CCDC191: variants seen among roughly 807,000 people sequenced by gnomAD.
The protein encoded by CCDC191 is coiled-coil domain-containing protein 191.
Under a neutral mutation model 114.0 loss-of-function variants are expected in CCDC191, and 99 were observed. That is an observed-to-expected ratio of 0.87 (90% confidence interval 0.74 to 1.03). The LOEUF (loss-of-function observed/expected upper bound fraction) is 1.03. Among genes scored for constraint, CCDC191 ranks in the 50% least tolerant of loss-of-function variants. The pLI, the probability that CCDC191 is intolerant of heterozygous loss-of-function variation, is 0.00. For missense variants in CCDC191, 973 were observed against 1,087.0 expected, an observed-to-expected ratio of 0.90 and a Z score of 1.47; for synonymous variants, 351 against 376.0, an observed-to-expected ratio of 0.93 and a Z score of 0.77.
At chr3:114,021,948 C>A (rs1016416282) in intron 7 of CCDC191, among the ~76,000 whole-genome samples, 3 of 152,100 alleles carry the variant, frequency 2.0e-5, no homozygotes, top group Non-Finnish European at 4.4e-5. Context: ...GTCAGGCACT[C>A]TTTTCCTAAC....
chr3:114,010,313 T>C (rs1559906491), intron 9 of CCDC191, among the ~76,000 whole-genome samples: 1 of 152,202 alleles, frequency 6.6e-6, no homozygotes, highest in Non-Finnish European at 1.5e-5. Context: ...TGATTATCTA[T>C]AGATGACAGA....
intron 16 of CCDC191, among the ~76,000 whole-genome samples, chr3:113,976,227 C>T (rs1941326908): frequency 6.6e-6 from 1 of 151,836 alleles, no homozygotes; most frequent in Non-Finnish European, 1.5e-5. Context: ...CTACTGCACT[C>T]CAGCCTGGGT....
chr3:113,967,452 A>G (rs751479214), intron 16 of CCDC191, among the ~76,000 whole-genome samples: 1 of 150,798 alleles, frequency 6.6e-6, no homozygotes, highest in African/African-American at 2.4e-5. Flanking sequence ...AAACATATTC[A>G]TGATCACTGG....
At chr3:114,056,120 T>C (rs1478003546) in intron 1 of CCDC191, among the ~76,000 whole-genome samples, 1 of 152,072 alleles carries the variant, frequency 6.6e-6, no homozygotes, top group Non-Finnish European at 1.5e-5. Context: ...CCGATGGGCA[T>C]TAGCAGACAC....
chr3:114,029,487 G>A (rs1350567803), intron 7 of CCDC191, among the ~76,000 whole-genome samples: 6 of 152,118 alleles, frequency 3.9e-5, no homozygotes, highest in African/African-American at 1.4e-4. Flanking sequence ...TGAGGGAAAC[G>A]CAAAATCACC....
At chr3:114,035,238 C>T in intron 5 of CCDC191, 90 bp from the exon 6 acceptor site, 1 of 923,158 alleles carries the variant, frequency 1.1e-6, no homozygotes. Flanking sequence ...GTTCAGAATA[C>T]AACCAGTTTG....
intron 16 of CCDC191, among the ~76,000 whole-genome samples, chr3:113,968,626 G>GT (rs373015779): frequency 0.12 from 16,848 of 136,842 alleles, 1,114 homozygotes; most frequent in Admixed American, 0.2. Flanking sequence ...ATAGTTTTTT[G>GT]TTTTTTTTTT....
At chr3:114,016,242 C>T (rs1045501010) in intron 8 of CCDC191, among the ~76,000 whole-genome samples, 2 of 152,162 alleles carry the variant, frequency 1.3e-5, no homozygotes, top group African/African-American at 2.4e-5. Flanking sequence ...TGAGTAACCA[C>T]GATAATAAAT....
chr3:114,025,303 A>G (rs569804848), intron 7 of CCDC191, among the ~76,000 whole-genome samples: 2 of 151,930 alleles, frequency 1.3e-5, no homozygotes, highest in South Asian at 4.2e-4. Context: ...CTGTTCTAAA[A>G]GCAGAAACAA....
chr3:114,038,897 G>A lies in CCDC191; in HGVS notation c.416-2111C>T, dbSNP rs1332976514. On this transcript the variant is annotated intron_variant, in intron 4 of 16. Coordinates refer to ENST00000295878, the MANE Select transcript of CCDC191 (RefSeq NM_020817.2). ...AGGCCTGTCATGGGTGGCAGGGGGA[G>A]GAAGAGCATCAGGAGAATAGGATGC... is the stretch of plus-strand genomic sequence containing the variant. 2.0e-5 allele frequency among the ~76,000 whole-genome samples: 3 copies of A among 152,144 alleles called. No individual in the cohort carries two copies. In the East Asian group the frequency reaches 5.8e-4, roughly 29 times the overall value.
intron 13 of CCDC191, among the ~76,000 whole-genome samples, chr3:113,990,927 A>C (rs140512847): frequency 9.2e-6 from 1 of 108,180 alleles, no homozygotes; most frequent in Non-Finnish European, 1.8e-5. Flanking sequence ...GTGATAAAGC[A>C]CCTCAAAAAA....
At chr3:114,040,527 GTC>G (rs1206060339) in intron 4 of CCDC191, among the ~76,000 whole-genome samples, 1 of 151,822 alleles carries the variant, frequency 6.6e-6, no homozygotes. Context: ...TTCTTTAAAA[GTC>G]TATTTTTGGG....
chr3:114,000,786 T>C (rs1376790563), intron 13 of CCDC191, among the ~76,000 whole-genome samples: 1 of 151,430 alleles, frequency 6.6e-6, no homozygotes, highest in African/African-American at 2.4e-5. Flanking sequence ...AAGTAGCTGG[T>C]GATTATAGGC....
intron 8 of CCDC191, among the ~76,000 whole-genome samples, chr3:114,012,771 G>A (rs972481243): frequency 1.4e-4 from 21 of 152,178 alleles, no homozygotes; most frequent in African/African-American, 4.8e-4. Context: ...TGTTTTTACA[G>A]CACAAACAGC....
intron 2 of CCDC191, among the ~76,000 whole-genome samples, chr3:114,050,082 CTG>C (rs1559936184): frequency 6.6e-6 from 1 of 152,192 alleles, no homozygotes; most frequent in Non-Finnish European, 1.5e-5. Flanking sequence ...TTAAGAAAAA[CTG>C]AACACCTTCA....
At chr3:113,974,719 G>GGTAT (rs1941153299) in intron 16 of CCDC191, among the ~76,000 whole-genome samples, 4 of 151,852 alleles carry the variant, frequency 2.6e-5, no homozygotes. Context: ...GTTTTCAGTG[G>GGTAT]GTATGTTTGA....
intron 4 of CCDC191, among the ~76,000 whole-genome samples, chr3:114,037,330 GCA>G (rs1178330606): frequency 1.3e-5 from 2 of 152,052 alleles, no homozygotes; most frequent in African/African-American, 2.4e-5. Context: ...CTCCAAGTAA[GCA>G]CAGACCTGCT....
At chr3:114,009,565 C>T (rs2076032571) in intron 9 of CCDC191, among the ~76,000 whole-genome samples, 1 of 152,078 alleles carries the variant, frequency 6.6e-6, no homozygotes, top group Admixed American at 6.6e-5. Context: ...CTTTTTGGCT[C>T]CATTATAATC....
chr3:114,009,432 A>G (rs2076029576), intron 9 of CCDC191, among the ~76,000 whole-genome samples: 1 of 152,058 alleles, frequency 6.6e-6, no homozygotes, highest in Non-Finnish European at 1.5e-5. Flanking sequence ...TCCTGTTTTT[A>G]AAGAGGTTGT....
Sources: gnomAD v4.1 joint callset for allele counts (sites outside exome capture counted in the v4.1 genomes callset) on GRCh38, gnomAD v4.1.1 for gene constraint, MANE v1.5 for transcripts, NCBI Gene and HGNC (gene_info 2026-07-23, HGNC 2026-07-21) for gene names.